The following CBLN2 variants were observed in gnomAD, a reference collection of about 807,000 sequenced individuals.
The protein encoded by CBLN2 is cerebellin-2.
Under a neutral mutation model 15.0 loss-of-function variants are expected in CBLN2, and 7 were observed. The observed-to-expected ratio is 0.47, with a 90% CI of 0.27 to 0.88. The LOEUF is 0.88. CBLN2 is among the 40% of genes least tolerant of loss of function. CBLN2 has a pLI of 0.14. For synonymous variants in CBLN2, 149 were observed against 135.2 expected, an observed-to-expected ratio of 1.10 and a Z score of -0.71; for missense variants, 242 against 304.5, an observed-to-expected ratio of 0.79 and a Z score of 1.53.
intron 1 of CBLN2, among the ~76,000 whole-genome samples, chr18:72,630,510 A>ACG (rs1347530144): frequency 6.8e-6 from 1 of 146,404 alleles, no homozygotes. Context: ...ACACACACAC[A>ACG]CACACACACA....
At chr18:72,551,805 T>A (rs1486083054) in intron 1 of CBLN2, among the ~76,000 whole-genome samples, 1 of 152,240 alleles carries the variant, frequency 6.6e-6, no homozygotes, top group Non-Finnish European at 1.5e-5. Flanking sequence ...CACGGCTTAA[T>A]ATTTCATTAA....
At chr18:72,594,974 A>G (rs1464090316) in intron 1 of CBLN2, among the ~76,000 whole-genome samples, 1 of 143,142 alleles carries the variant, frequency 7.0e-6, no homozygotes, top group African/African-American at 2.6e-5. Context: ...GAAAAACTCA[A>G]TTTTTAACTT....
chr18:72,538,593 C>T lies in CBLN2; in HGVS notation c.477+60G>A, dbSNP rs958553655. On this transcript the variant is annotated intron_variant, in intron 4 of 4. Transcript: ENST00000269503. ...AGCCTCAGAGACCAGGTGAAGGGGC[C>T]TTTAGCAATGGGGAACTATTAACTC... 4.4e-6 allele frequency: 7 copies of T among 1,604,150 alleles called. No individual in the cohort carries two copies. In the Admixed American group the frequency reaches 5.0e-5, roughly 12 times the overall value.
intron 1 of CBLN2, among the ~76,000 whole-genome samples, chr18:72,590,318 G>C (rs2069472285): frequency 6.6e-6 from 1 of 152,068 alleles, no homozygotes; most frequent in South Asian, 2.1e-4. Context: ...ATGGTGGCAG[G>C]CACTTTTAAT....
intron 1 of CBLN2, among the ~76,000 whole-genome samples, chr18:72,586,130 G>A (rs1427605335): frequency 6.6e-6 from 1 of 152,194 alleles, no homozygotes; most frequent in Non-Finnish European, 1.5e-5. Flanking sequence ...GCTTCTGCCT[G>A]TTCCTGGCTC....
rs902535026 is a variant in CBLN2 at position 72,620,789 on chromosome 18, C to T, written c.15+17536G>A. ...TTGTTCAAGTGTTCAGATCTTCCAA[C>T]AACTTTTGATATTTTGCCTTTCCAA... On this transcript the variant is annotated intron_variant, in intron 1 of 2. Transcript: ENST00000581073. 2.0e-5 allele frequency among the ~76,000 whole-genome samples: 3 copies of T among 152,146 alleles called. No homozygotes were observed. In the East Asian group the frequency reaches 5.8e-4, roughly 29 times the overall value.
At chr18:72,563,139 T>C (rs1568256502) in intron 1 of CBLN2, among the ~76,000 whole-genome samples, 1 of 152,220 alleles carries the variant, frequency 6.6e-6, no homozygotes, top group Non-Finnish European at 1.5e-5. Context: ...ATAATGAGCA[T>C]GTGCTATGAA....
At chr18:72,583,476 T>C (rs985417342) in intron 1 of CBLN2, among the ~76,000 whole-genome samples, 59 of 152,186 alleles carry the variant, frequency 3.9e-4, no homozygotes, top group African/African-American at 1.4e-3. Context: ...AATCTGGAAC[T>C]CTGCCAAAGC....
chr18:72,593,719 G>A (rs763913737), intron 1 of CBLN2, among the ~76,000 whole-genome samples: 3 of 152,064 alleles, frequency 2.0e-5, no homozygotes, highest in Non-Finnish European at 2.9e-5. Context: ...TATTATGAAG[G>A]CATGTTGAAT....
chr18:72,618,691 G>A, intron 1 of CBLN2: 1 of 731,506 alleles, frequency 1.4e-6, no homozygotes, highest in Non-Finnish European at 2.5e-6. Context: ...CTGAGGCAGT[G>A]GCAAGAAAAG....
At chr18:72,590,273 A>AAAAAAC (rs2069471693) in intron 1 of CBLN2, among the ~76,000 whole-genome samples, 1 of 150,384 alleles carries the variant, frequency 6.6e-6, no homozygotes, top group Non-Finnish European at 1.5e-5. Flanking sequence ...TCAAAAAAAC[A>AAAAAAC]AAAAACAAAA....
At chr18:72,616,374 G>C (rs1418185201) in intron 1 of CBLN2, among the ~76,000 whole-genome samples, 1 of 152,062 alleles carries the variant, frequency 6.6e-6, no homozygotes, top group Non-Finnish European at 1.5e-5. Context: ...TTCACTATTT[G>C]GGTGCCATGG....
intron 1 of CBLN2, among the ~76,000 whole-genome samples, chr18:72,554,339 T>C (rs1293898052): frequency 6.6e-6 from 1 of 152,114 alleles, no homozygotes; most frequent in Non-Finnish European, 1.5e-5. Flanking sequence ...TAACCGGCCT[T>C]TTAAATTTCT....
chr18:72,586,349 T>G (rs1414341042), intron 1 of CBLN2, among the ~76,000 whole-genome samples: 1 of 152,176 alleles, frequency 6.6e-6, no homozygotes, highest in Non-Finnish European at 1.5e-5. Flanking sequence ...ATGCTGCAGG[T>G]GGAATATATA....
chr18:72,549,916 T>G (rs1598993472), intron 1 of CBLN2, among the ~76,000 whole-genome samples: 1 of 151,572 alleles, frequency 6.6e-6, no homozygotes, highest in Non-Finnish European at 1.5e-5. Context: ...GTGAAAAAAA[T>G]GAAACCCTCT....
At chr18:72,561,126 A>G (rs982218968) in intron 1 of CBLN2, among the ~76,000 whole-genome samples, 5 of 152,006 alleles carry the variant, frequency 3.3e-5, no homozygotes, top group Admixed American at 2.0e-4. Flanking sequence ...AAAGCTATAT[A>G]TATATACATA....
At chr18:72,549,793 G>A (rs2069180544) in intron 1 of CBLN2, among the ~76,000 whole-genome samples, 1 of 152,112 alleles carries the variant, frequency 6.6e-6, no homozygotes, top group Non-Finnish European at 1.5e-5. Context: ...TTATCATCCT[G>A]TATAAGATTA....
At chr18:72,594,331 TC>T (rs1274873835) in intron 1 of CBLN2, among the ~76,000 whole-genome samples, 1 of 152,070 alleles carries the variant, frequency 6.6e-6, no homozygotes, top group African/African-American at 2.4e-5. Context: ...CTAGGATAAA[TC>T]CTATTTTGTC....
intron 3 of CBLN2, among the ~76,000 whole-genome samples, chr18:72,541,401 A>T (rs1043110594): frequency 1.3e-5 from 2 of 152,042 alleles, no homozygotes; most frequent in African/African-American, 2.4e-5. Flanking sequence ...GTGAGCGTGG[A>T]GAGTTTTAAA....
Sources: allele counts gnomAD v4.1 joint callset (sites outside exome capture counted in the v4.1 genomes callset), GRCh38; gene constraint gnomAD v4.1.1; transcripts MANE v1.5; gene names NCBI Gene and HGNC (gene_info 2026-07-23, HGNC 2026-07-21).